Variants in TRIM33 observed in about 807,000 individuals in gnomAD.
TRIM33 encodes tripartite motif containing 33.
TRIM33 carries 20 observed loss-of-function variants against 125.4 expected under a neutral mutation model. The ratio of observed to expected loss-of-function variants is 0.16; its 90% CI spans 0.11 to 0.23. The LOEUF (loss-of-function observed/expected upper bound fraction) is 0.23. Ranked by LOEUF, TRIM33 falls within the 10% of genes least tolerant of loss-of-function variation. The pLI, the probability that TRIM33 is intolerant of heterozygous loss-of-function variation, is 1.00. For synonymous variants in TRIM33, 564 were observed against 513.9 expected (o/e 1.10, Z -1.32); for missense variants, 920 against 1,411.4 (o/e 0.65, Z 5.58).
In TRIM33 at chr1:114,396,583, G is replaced by A. The variant is rs1557837210; in HGVS notation, c.*1065C>T. 5.0e-6 allele frequency: 1 copy of A among 199,904 alleles called. No individual in the cohort carries two copies. The highest frequency in any genetic ancestry group is 1.0e-5 in the Non-Finnish European group (1 of 96,576). The allele number at this position is 199,904 out of a possible 1,614,324, so 12.4% of individuals were successfully genotyped here. A position where few individuals can be genotyped will look rare whatever the true frequency, so the allele number is the denominator to read the frequency against. On this transcript the variant is annotated 3_prime_UTR_variant, in exon 20 of 20. Transcript: ENST00000358465. ...CAGCATATATTACAAATCCATTCTT[G>A]ATAGGAACATTAGTAAGAATACACA... is the stretch of plus-strand genomic sequence containing the variant.
chr1:114,474,283 G>A (rs183917466), intron 1 of TRIM33, among the ~76,000 whole-genome samples: 40 of 152,062 alleles, frequency 2.6e-4, no homozygotes, highest in African/African-American at 7.7e-4. Flanking sequence ...TTACATAAGA[G>A]CTGGAGTCTT....
chr1:114,469,782 C>A (rs377622994), intron 1 of TRIM33, among the ~76,000 whole-genome samples: 1 of 152,008 alleles, frequency 6.6e-6, no homozygotes, highest in East Asian at 1.9e-4. Flanking sequence ...CCCACTCTTA[C>A]AAAAAACTTG....
At chr1:114,462,984 TA>T in intron 4 of TRIM33, 119 bp downstream of exon 4, 1 of 760,448 alleles carries the variant, frequency 1.3e-6, no homozygotes, top group Non-Finnish European at 1.9e-6. Context: ...TTAAAATATG[TA>T]AAATACAGAT....
intron 1 of TRIM33, among the ~76,000 whole-genome samples, chr1:114,475,824 A>C (rs1650944517): frequency 6.6e-6 from 1 of 152,154 alleles, no homozygotes; most frequent in Admixed American, 6.5e-5. Context: ...GCAACAAAGC[A>C]AGACCCCATC....
intron 4 of TRIM33, among the ~76,000 whole-genome samples, chr1:114,440,767 G>A (rs553634577): frequency 6.6e-6 from 1 of 152,178 alleles, no homozygotes; most frequent in African/African-American, 2.4e-5. Flanking sequence ...AAAAAGGGGG[G>A]GAATACAAAC....
At chr1:114,510,286 G>T (rs1031825737) in intron 1 of TRIM33, among the ~76,000 whole-genome samples, 1 of 152,062 alleles carries the variant, frequency 6.6e-6, no homozygotes, top group Non-Finnish European at 1.5e-5. Flanking sequence ...GCGCTCGGCC[G>T]GGTTCCGCAC....
chr1:114,458,608 A>G (rs1649762783), intron 4 of TRIM33, among the ~76,000 whole-genome samples: 1 of 152,082 alleles, frequency 6.6e-6, no homozygotes, highest in Non-Finnish European at 1.5e-5. Flanking sequence ...AAAAACCCTC[A>G]TCTCCAAATT....
At chr1:114,500,003 C>A (rs1652614683) in intron 1 of TRIM33, among the ~76,000 whole-genome samples, 1 of 152,098 alleles carries the variant, frequency 6.6e-6, no homozygotes, top group South Asian at 2.1e-4. Context: ...CCTGTCTCTA[C>A]TAAAAATTCA....
At chr1:114,447,927 T>C (rs931000362) in intron 4 of TRIM33, among the ~76,000 whole-genome samples, 3 of 152,176 alleles carry the variant, frequency 2.0e-5, no homozygotes, top group Non-Finnish European at 4.4e-5. Context: ...GTCAAAAGCA[T>C]GTAAATTTAC....
intron 5 of TRIM33, among the ~76,000 whole-genome samples, chr1:114,431,131 A>G (rs1307479753): frequency 2.0e-5 from 3 of 152,246 alleles, no homozygotes; most frequent in Non-Finnish European, 4.4e-5. Flanking sequence ...ATTTTAAATT[A>G]TGCTCATAAA....
intron 4 of TRIM33, among the ~76,000 whole-genome samples, chr1:114,441,305 A>C (rs1460713152): frequency 6.6e-6 from 1 of 152,254 alleles, no homozygotes; most frequent in Non-Finnish European, 1.5e-5. Context: ...CCTTAAAAAT[A>C]AAAAAGTATG....
At chr1:114,491,972 A>G (rs180808682) in intron 1 of TRIM33, among the ~76,000 whole-genome samples, 58 of 152,286 alleles carry the variant, frequency 3.8e-4, no homozygotes, top group African/African-American at 1.4e-3. Flanking sequence ...GCTTTATTAC[A>G]TTTAGGGCCA....
At chr1:114,419,453 T>C (rs773398461) in intron 11 of TRIM33, among the ~76,000 whole-genome samples, 1 of 152,204 alleles carries the variant, frequency 6.6e-6, no homozygotes. Flanking sequence ...AAAACAGGGA[T>C]ATTACATATC....
chr1:114,467,302 TC>T (rs938733619), intron 1 of TRIM33, among the ~76,000 whole-genome samples: 1 of 152,162 alleles, frequency 6.6e-6, no homozygotes, highest in African/African-American at 2.4e-5. Context: ...ATTCCCAAGT[TC>T]CTGGTGTGGG....
At chr1:114,497,216 T>C (rs949335175) in intron 1 of TRIM33, among the ~76,000 whole-genome samples, 1 of 152,216 alleles carries the variant, frequency 6.6e-6, no homozygotes, top group Non-Finnish European at 1.5e-5. Flanking sequence ...CATTATAGCA[T>C]GAAAGTAGTC....
chr1:114,451,142 T>C (rs1290747695), intron 4 of TRIM33, among the ~76,000 whole-genome samples: 1 of 152,156 alleles, frequency 6.6e-6, no homozygotes, highest in East Asian at 1.9e-4. Flanking sequence ...AGCCTGGTAC[T>C]TCCTCCCCAT....
In TRIM33 at chr1:114,510,554, G is replaced by T; in HGVS notation, c.523C>A (p.Gln175Lys). The T allele has an allele frequency of 2.0e-6, 3 of 1,488,378 alleles. No individual in the cohort carries two copies. Among genetic ancestry groups the T allele is most frequent in the Non-Finnish European group, 1.8e-6 (2 of 1,121,696 alleles). 92.2% of individuals were successfully genotyped at this position (1,488,378 alleles called of 1,614,324 possible). Residue 175 changes from glutamine (Q) to lysine (K), a missense_variant, in exon 1 of 20, where the codon CAA becomes AAA. By Grantham distance (53) the Gln-to-Lys change is moderately conservative (BLOSUM62 1). Transcript: ENST00000358465. ...IPGGSNGDIQ[Q>K]VGVIRCPVCR... ...CCAGGCAGGGCCTCCGGCTCACCTT[G>T]CTGGATGTCGCCGTTGCTGCCCCCC... is the stretch of plus-strand genomic sequence containing the variant.
chr1:114,510,685 C>T lies in TRIM33; in HGVS notation c.392G>A (p.Ser131Asn), dbSNP rs1227682168. The T allele has an allele frequency of 6.5e-7, 1 of 1,546,860 alleles. No individual in the cohort carries two copies. The highest frequency in any genetic ancestry group is 1.2e-5 in the South Asian group (1 of 84,498). ...LLDTCAVCQQ[S>N]LQSRREAEPK... ...CTCCGCCTCACGCCGGCTCTGCAAG[C>T]TCTGCTGACACACGGCGCAGGTGTC... Residue 131 changes from serine to asparagine, a missense_variant, in exon 1 of 20, where the codon AGC becomes AAC. By Grantham distance (46) the Ser-to-Asn change is conservative (BLOSUM62 1). Transcript: ENST00000358465.
intron 4 of TRIM33, among the ~76,000 whole-genome samples, chr1:114,439,873 G>A (rs1431904421): frequency 6.6e-6 from 1 of 152,126 alleles, no homozygotes; most frequent in Non-Finnish European, 1.5e-5. Flanking sequence ...TGAGAGTGGA[G>A]CAACATCTTT....
Sources: gnomAD v4.1 joint callset for allele counts (sites outside exome capture counted in the v4.1 genomes callset) on GRCh38, gnomAD v4.1.1 for gene constraint, MANE v1.5 for transcripts, NCBI Gene and HGNC (gene_info 2026-07-23, HGNC 2026-07-21) for gene names.